ARHGAP18: variants seen among roughly 807,000 people sequenced by gnomAD.
ARHGAP18 encodes rho GTPase-activating protein 18.
A neutral mutation model predicts 86.2 loss-of-function variants in ARHGAP18; 67 were observed. That is an observed-to-expected ratio of 0.78 (90% CI 0.64 to 0.95). The LOEUF is 0.95. Among genes scored for constraint, ARHGAP18 ranks in the 40% least tolerant of loss-of-function variants. ARHGAP18 has a pLI of 0.00. For missense variants in ARHGAP18, 691 were observed against 780.4 expected (o/e 0.89, Z 1.37); for synonymous variants, 283 against 280.4 (o/e 1.01, Z -0.09).
chr6:129,626,105 C>CACACACACACACAT (rs1425322925), intron 5 of ARHGAP18, among the ~76,000 whole-genome samples: 15 of 124,916 alleles, frequency 1.2e-4, no homozygotes, highest in Middle Eastern at 4.0e-3. Flanking sequence ...CACACACACA[C>CACACACACACACAT]ATATATAGAA....
chr6:129,641,903 C>A lies in ARHGAP18; in HGVS notation c.229G>T (p.Asp77Tyr), dbSNP rs146502081. 6.2e-7 allele frequency: 1 copy of A among 1,613,840 alleles called. No individual in the cohort carries two copies. The highest frequency in any genetic ancestry group is 2.2e-5 in the East Asian group (1 of 44,852). Residue 77 changes from aspartate to tyrosine, a missense_variant, in exon 2 of 15, where the codon GAC (aspartate) becomes TAC (tyrosine). Asp to Tyr is a radical substitution (Grantham distance 160). Transcript: ENST00000368149. ...QDSLDELSMEDYWIELENIKK... is the reference protein window; with the variant it reads ...QDSLDELSMEYYWIELENIKK... ...ATGTTTTCTAGTTCTATCCAATAGT[C>A]TTCCATAGATAGTTCATCCAAAGAA...
chr6:129,582,928 C>G (rs747116072), intron 13 of ARHGAP18, among the ~76,000 whole-genome samples: 21 of 152,210 alleles, frequency 1.4e-4, no homozygotes, highest in Non-Finnish European at 1.5e-4. Flanking sequence ...AAGCCTCTCT[C>G]TCATTTCATC....
intron 1 of ARHGAP18, among the ~76,000 whole-genome samples, chr6:129,671,955 C>A (rs530747943): frequency 6.6e-6 from 1 of 152,236 alleles, no homozygotes; most frequent in Non-Finnish European, 1.5e-5. Flanking sequence ...AAGTACTGAT[C>A]TAGTTCACCC....
At chr6:129,601,736 C>G (rs1180588123) in intron 10 of ARHGAP18, among the ~76,000 whole-genome samples, 2 of 151,468 alleles carry the variant, frequency 1.3e-5, no homozygotes, top group Admixed American at 1.3e-4. Flanking sequence ...AAGTGATCCT[C>G]CTGCCTCAGT....
chr6:129,597,457 C>T (rs1464086885), intron 12 of ARHGAP18, among the ~76,000 whole-genome samples: 2 of 152,116 alleles, frequency 1.3e-5, no homozygotes, highest in Admixed American at 6.6e-5. Flanking sequence ...TCTAGTGACA[C>T]CTGAACAACA....
chr6:129,690,910 T>A (rs1006106283), intron 1 of ARHGAP18, among the ~76,000 whole-genome samples: 1 of 152,232 alleles, frequency 6.6e-6, no homozygotes, highest in South Asian at 2.1e-4. Flanking sequence ...ATTTCAATGC[T>A]ATCATTACTT....
At chr6:129,706,336 C>T (rs1278615781) in intron 1 of ARHGAP18, among the ~76,000 whole-genome samples, 4 of 152,118 alleles carry the variant, frequency 2.6e-5, no homozygotes, top group Non-Finnish European at 5.9e-5. Context: ...CAACTGTGTA[C>T]AAGTCGGCCA....
chr6:129,678,044 C>T (rs557181000), intron 1 of ARHGAP18, among the ~76,000 whole-genome samples: 1 of 152,228 alleles, frequency 6.6e-6, no homozygotes, highest in African/African-American at 2.4e-5. Context: ...CTCTGCCTTA[C>T]ATTTCTACCA....
chr6:129,661,863 G>A, intron 1 of ARHGAP18: 1 of 985,268 alleles, frequency 1.0e-6, no homozygotes, highest in African/African-American at 1.7e-5. Context: ...CAATTTTCCT[G>A]GAGTTTTGTT....
intron 8 of ARHGAP18, among the ~76,000 whole-genome samples, chr6:129,609,053 TAGGG>T (rs1160054184): frequency 2.0e-5 from 2 of 98,114 alleles, no homozygotes; most frequent in African/African-American, 4.0e-5. Context: ...GAGTGGGAGA[TAGGG>T]AGGGAAGGAA....
chr6:129,590,391 T>C (rs1788484947), intron 12 of ARHGAP18, among the ~76,000 whole-genome samples: 1 of 152,132 alleles, frequency 6.6e-6, no homozygotes, highest in Non-Finnish European at 1.5e-5. Context: ...TTAAGAGTTT[T>C]AATAGAGAGT....
Position 129,629,350 on chromosome 6 carries a change from T to C in ARHGAP18, c.786+3A>G, listed in dbSNP as rs2039161992. 6.2e-7 allele frequency: 1 copy of C among 1,613,206 alleles called. No individual in the cohort carries two copies. Among genetic ancestry groups the C allele is most frequent in the South Asian group, 1.1e-5 (1 of 91,044 alleles). On this transcript the variant is annotated splice_donor_region_variant and intron_variant, in intron 5 of 14. Coordinates refer to ENST00000368149, the MANE Select transcript of ARHGAP18 (RefSeq NM_033515.3). The stretch of plus-strand genomic sequence containing the variant: ...GTATATTTATAAAGAGTGTACTACG[T>C]ACAGGTAATGTGGCATCATCGCCTT...
chr6:129,616,752 A>G (rs28720900), intron 6 of ARHGAP18, among the ~76,000 whole-genome samples: 1 of 152,164 alleles, frequency 6.6e-6, no homozygotes, highest in Non-Finnish European at 1.5e-5. Flanking sequence ...GTTCAAGACC[A>G]GCCTAAGCCT....
chr6:129,685,772 T>G (rs1355653164), intron 1 of ARHGAP18, among the ~76,000 whole-genome samples: 1 of 106,410 alleles, frequency 9.4e-6, no homozygotes, highest in Non-Finnish European at 2.1e-5. Context: ...CTCTCCCACT[T>G]CCTCTTATTT....
At chr6:129,676,160 T>C (rs1042425941) in intron 1 of ARHGAP18, among the ~76,000 whole-genome samples, 2 of 152,196 alleles carry the variant, frequency 1.3e-5, no homozygotes, top group Non-Finnish European at 2.9e-5. Context: ...AGCTGCTAAC[T>C]GGCCAAGCTT....
chr6:129,610,498 T>G (rs1465535083), intron 8 of ARHGAP18, among the ~76,000 whole-genome samples: 2 of 152,232 alleles, frequency 1.3e-5, no homozygotes, highest in Non-Finnish European at 2.9e-5. Context: ...CTACCCTGGA[T>G]GCAGCAAGAC....
chr6:129,580,709 C>T (rs1788270497), intron 13 of ARHGAP18, among the ~76,000 whole-genome samples: 1 of 151,982 alleles, frequency 6.6e-6, no homozygotes, highest in Admixed American at 6.6e-5. Flanking sequence ...CCCATTTCTA[C>T]CCAAAATACA....
chr6:129,623,775 C>T (rs1032560252), intron 5 of ARHGAP18, among the ~76,000 whole-genome samples: 1 of 152,116 alleles, frequency 6.6e-6, no homozygotes, highest in East Asian at 1.9e-4. Flanking sequence ...TGAGTATATG[C>T]ATATTTGCAT....
intron 1 of ARHGAP18, among the ~76,000 whole-genome samples, chr6:129,673,324 G>T (rs1774172647): frequency 1.4e-5 from 2 of 145,440 alleles, no homozygotes; most frequent in African/African-American, 5.1e-5. Flanking sequence ...GCCATCTGCA[G>T]CTTGCTTCCC....
Sources: allele counts gnomAD v4.1 joint callset (sites outside exome capture counted in the v4.1 genomes callset), GRCh38; gene constraint gnomAD v4.1.1; transcripts MANE v1.5; gene names NCBI Gene and HGNC (gene_info 2026-07-23, HGNC 2026-07-21).